AFAP1: variants seen among roughly 807,000 people sequenced by gnomAD.
AFAP1 encodes the protein actin filament associated protein 1.
A neutral mutation model predicts 93.9 loss-of-function variants in AFAP1; 75 were observed. The ratio of observed to expected loss-of-function variants is 0.80; its 90% CI spans 0.66 to 0.97. The LOEUF (loss-of-function observed/expected upper bound fraction) is 0.97. Ranked by LOEUF, AFAP1 falls within the 50% of genes least tolerant of loss-of-function variation. AFAP1 has a pLI of 0.00. For synonymous variants in AFAP1, 517 were observed against 430.7 expected, an observed-to-expected ratio of 1.20 and a Z score of -2.48; for missense variants, 1,201 against 1,050.8, an observed-to-expected ratio of 1.14 and a Z score of -1.98.
chr4:7,847,277 A>T (rs1353903497), intron 4 of AFAP1, among the ~76,000 whole-genome samples: 1 of 152,068 alleles, frequency 6.6e-6, no homozygotes, highest in Non-Finnish European at 1.5e-5. Flanking sequence ...ATGCTTAGCA[A>T]TGACCCAATC....
chr4:7,914,251 C>T (rs528051740), intron 1 of AFAP1, among the ~76,000 whole-genome samples: 10 of 151,976 alleles, frequency 6.6e-5, no homozygotes, highest in South Asian at 4.2e-4. Flanking sequence ...GACGGGGTTT[C>T]GCCACGTTGG....
chr4:7,870,371 C>T (rs1306548512), intron 2 of AFAP1, among the ~76,000 whole-genome samples: 1 of 152,164 alleles, frequency 6.6e-6, no homozygotes, highest in Non-Finnish European at 1.5e-5. Context: ...CAGAAGTGAA[C>T]ATTTCAGGCC....
chr4:7,860,596 T>G (rs1364447033), intron 3 of AFAP1, among the ~76,000 whole-genome samples: 1 of 152,110 alleles, frequency 6.6e-6, no homozygotes, highest in Non-Finnish European at 1.5e-5. Context: ...AAACTGAGGC[T>G]CAAGAGATTA....
At chr4:7,792,452 T>C (rs747609304) in intron 11 of AFAP1, among the ~76,000 whole-genome samples, 1 of 152,160 alleles carries the variant, frequency 6.6e-6, no homozygotes, top group Non-Finnish European at 1.5e-5. Context: ...GAATTCTAAT[T>C]TCTAAGGAAA....
chr4:7,800,774 G>T, intron 9 of AFAP1, 121 bp from the exon 10 acceptor site: 2 of 936,784 alleles, frequency 2.1e-6, no homozygotes, highest in African/African-American at 1.6e-5. Context: ...TCCTTCACAC[G>T]ATCGATCAAG....
rs765792182 is a variant in AFAP1 at position 7,868,654 on chromosome 4, T to C, written c.193A>G (p.Met65Val). Reference protein sequence around the residue: ...TANSLPAPPQMPLPEIPQPWL... With the variant: ...TANSLPAPPQVPLPEIPQPWL... ...GGCTGAGGGATCTCCGGCAGGGGCA[T>C]CTGAGGAGGGGCTGGCAGGCTGTTA... Residue 65 changes from methionine (M) to valine (V), a missense_variant, in exon 3 of 18, where the codon ATG (methionine) becomes GTG (valine). Physicochemically the swap from Met to Val is conservative, Grantham distance 21. Transcript: ENST00000420658. 2 of 1,612,952 alleles carry C rather than the reference T, an allele frequency of 1.2e-6. No homozygotes were observed. The highest frequency in any genetic ancestry group is 8.5e-7 in the Non-Finnish European group (1 of 1,179,902).
chr4:7,801,846 C>T (rs547191831), intron 9 of AFAP1, among the ~76,000 whole-genome samples: 6 of 134,616 alleles, frequency 4.5e-5, no homozygotes, highest in East Asian at 2.5e-4. Flanking sequence ...CTTGGGAGGC[C>T]GGGGCAGGAA....
intron 6 of AFAP1, among the ~76,000 whole-genome samples, chr4:7,831,596 G>A (rs939055492): frequency 5.3e-5 from 8 of 152,140 alleles, no homozygotes; most frequent in African/African-American, 4.8e-5. Flanking sequence ...TCGGCTCTAC[G>A]CCCTCTCCCA....
At chr4:7,810,198 G>C (rs983255820) in intron 8 of AFAP1, among the ~76,000 whole-genome samples, 1 of 152,172 alleles carries the variant, frequency 6.6e-6, no homozygotes, top group African/African-American at 2.4e-5. Flanking sequence ...CACTTGCTAC[G>C]TGCTGGCTGT....
intron 1 of AFAP1, among the ~76,000 whole-genome samples, chr4:7,905,047 G>T (rs983435450): frequency 6.6e-6 from 1 of 152,170 alleles, no homozygotes. Flanking sequence ...CAGTGAGCAG[G>T]GAGAGAACAG....
intron 4 of AFAP1, among the ~76,000 whole-genome samples, chr4:7,850,535 A>AT (rs546207246): frequency 1.8e-3 from 280 of 152,388 alleles, no homozygotes; most frequent in Admixed American, 5.9e-3. Flanking sequence ...AGTTTATGCT[A>AT]TGTCACCGTA....
intron 6 of AFAP1, among the ~76,000 whole-genome samples, chr4:7,837,822 C>T (rs951534480): frequency 6.6e-6 from 1 of 152,160 alleles, no homozygotes; most frequent in Admixed American, 6.5e-5. Flanking sequence ...AGTTTGAGAC[C>T]AGCCTGGGCC....
chr4:7,798,964 G>T lies in AFAP1; in HGVS notation c.1266+1478C>A, dbSNP rs1718757932. On this transcript the variant is annotated intron_variant, in intron 10 of 17. Coordinates refer to ENST00000420658, the MANE Select transcript of AFAP1 (RefSeq NM_001134647.2). ...CAGATCTGCTGTCAGAGCTCTCATG[G>T]GAGACCCGCATTGTTACATCAAGAG... The T allele has an allele frequency of 8.1e-6, 8 of 986,512 alleles. 1 individual carries two copies. Among genetic ancestry groups the T allele is most frequent in the Non-Finnish European group, 6.0e-6 (5 of 830,354 alleles). The allele number at this position is 986,512 out of a possible 1,614,324, so 61.1% of individuals were successfully genotyped here.
intron 10 of AFAP1, among the ~76,000 whole-genome samples, chr4:7,799,879 C>T (rs935623908): frequency 5.9e-5 from 9 of 152,078 alleles, no homozygotes; most frequent in African/African-American, 1.7e-4. Context: ...AATAACAAAG[C>T]GTGCACCAAG....
intron 4 of AFAP1, chr4:7,843,954 T>G (rs1416708670): frequency 6.5e-6 from 1 of 153,286 alleles, no homozygotes; most frequent in Non-Finnish European, 1.5e-5. Flanking sequence ...GACTGACAGT[T>G]TCCCAAACAC....
rs780854776 is a variant in AFAP1, at chr4:7,773,014, G to C, written c.2063-4C>G. The C allele has an allele frequency of 5.6e-6, 9 of 1,606,648 alleles. No homozygotes were observed. Among genetic ancestry groups the C allele is most frequent in the Non-Finnish European group, 5.9e-6 (7 of 1,179,570 alleles). On this transcript the variant is annotated splice_region_variant and splice_polypyrimidine_tract_variant and intron_variant, in intron 15 of 17. Transcript: ENST00000420658. ...AGGATCGCCTGCGGCTTCCTGCCTG[G>C]AATTCCCAGAAACGCCGTTACTCCC...
chr4:7,936,899 C>G (rs1246636815), intron 1 of AFAP1, among the ~76,000 whole-genome samples: 1 of 152,104 alleles, frequency 6.6e-6, no homozygotes, highest in Non-Finnish European at 1.5e-5. Context: ...TAATTTTAAA[C>G]TAGGCTTCAA....
intron 1 of AFAP1, among the ~76,000 whole-genome samples, chr4:7,937,065 C>T (rs1218247633): frequency 6.6e-6 from 1 of 152,004 alleles, no homozygotes. Context: ...CTGAGCTCAA[C>T]AACTCCATTA....
At chr4:7,775,068 G>A in intron 14 of AFAP1, 165 bp from the exon 15 acceptor site, 2 of 802,488 alleles carry the variant, frequency 2.5e-6, no homozygotes, top group Non-Finnish European at 3.8e-6. Flanking sequence ...TTGAGCTTGG[G>A]AGCTTGAGGC....
Sources: allele counts gnomAD v4.1 joint callset (sites outside exome capture counted in the v4.1 genomes callset), GRCh38; gene constraint gnomAD v4.1.1; transcripts MANE v1.5; gene names NCBI Gene and HGNC (gene_info 2026-07-23, HGNC 2026-07-21).